The following PI4KA variants were observed in gnomAD, a reference collection of about 807,000 sequenced individuals.
PI4KA encodes the protein PI4-kinase alpha.
PI4KA carries 122 observed loss-of-function variants against 271.4 expected under a neutral mutation model. That is an observed-to-expected ratio of 0.45 (90% CI 0.39 to 0.52). The LOEUF is 0.52. Ranked by LOEUF, PI4KA falls within the 20% of genes least tolerant of loss-of-function variation. PI4KA has a pLI of 0.00. For missense variants in PI4KA, 1,969 were observed against 2,769.1 expected (o/e 0.71, Z 6.48); for synonymous variants, 1,041 against 1,078.8 (o/e 0.96, Z 0.69).
In PI4KA at chr22:20,708,089, G is replaced by A; in HGVS notation, c.6267C>T (p.Thr2089=). 1 of 1,613,566 alleles carries A rather than the reference G, an allele frequency of 6.2e-7. No individual in the cohort carries two copies. Among genetic ancestry groups the A allele is most frequent in the Non-Finnish European group, 8.5e-7 (1 of 1,179,548 alleles). Residue 2089 remains threonine (T), a synonymous_variant, in exon 55 of 55, where the codon ACC becomes ACT. Coordinates refer to ENST00000255882, the MANE Select transcript of PI4KA (RefSeq NM_058004.4). ...QSCFLSNRSR[T]YDMIQYYQND... The stretch of plus-strand genomic sequence containing the variant: ...TCTGATAGTACTGGATCATGTCGTA[G>A]GTCCGGCTCCTGAAAGGCCAAGGAA...
chr22:20,726,327 C>T, intron 42 of PI4KA, 161 bp downstream of exon 42: 5 of 547,106 alleles, frequency 9.1e-6, no homozygotes, highest in Non-Finnish European at 1.6e-5. Context: ...TATCAAGGGA[C>T]AATCACAGGG....
At chr22:20,825,069 C>CAAAAAAAAAAAAA (rs362248) in intron 3 of PI4KA, among the ~76,000 whole-genome samples, 10 of 76,796 alleles carry the variant, frequency 1.3e-4, no homozygotes, top group Admixed American at 5.8e-4. Flanking sequence ...GACGCCATCT[C>CAAAAAAAAAAAAA]AAAAAAAAAA....
At chr22:20,858,242 CA>C (rs1257515905) in intron 1 of PI4KA, among the ~76,000 whole-genome samples, 1 of 152,240 alleles carries the variant, frequency 6.6e-6, no homozygotes, top group African/African-American at 2.4e-5. Context: ...CTGCTCCGCA[CA>C]GCCGCCCACG....
At chr22:20,828,835 G>A (rs165859) in intron 3 of PI4KA, among the ~76,000 whole-genome samples, 74,082 of 152,022 alleles carry the variant, frequency 0.49, 18,563 homozygotes, top group African/African-American at 0.59. Flanking sequence ...TTACAGGCGT[G>A]AGCCACCACG....
chr22:20,812,607 T>C (rs178049), intron 8 of PI4KA, among the ~76,000 whole-genome samples: 3 of 151,898 alleles, frequency 2.0e-5, no homozygotes, highest in African/African-American at 7.3e-5. Context: ...CAGGCTGGAG[T>C]GCAGTGCTGC....
intron 3 of PI4KA, among the ~76,000 whole-genome samples, chr22:20,825,870 C>G (rs1923345017): frequency 6.6e-6 from 1 of 152,162 alleles, no homozygotes; most frequent in Admixed American, 6.6e-5. Context: ...TTTTCCCATC[C>G]TCACCTTCCT....
chr22:20,855,692 C>T (rs1259629936), intron 1 of PI4KA, among the ~76,000 whole-genome samples: 2 of 152,218 alleles, frequency 1.3e-5, no homozygotes, highest in African/African-American at 2.4e-5. Flanking sequence ...ATATTCAATA[C>T]ATGTGTGCAG....
intron 1 of PI4KA, among the ~76,000 whole-genome samples, chr22:20,852,623 T>C (rs1221470144): frequency 6.6e-6 from 1 of 152,158 alleles, no homozygotes; most frequent in Non-Finnish European, 1.5e-5. Context: ...TGGCACCGCG[T>C]ATACCCTCCG....
chr22:20,751,311 G>T lies in PI4KA; in HGVS notation c.3135C>A (p.Asp1045Glu), dbSNP rs1930662338. 1 of 1,613,996 alleles carries T rather than the reference G, an allele frequency of 6.2e-7. No individual in the cohort carries two copies. The highest frequency in any genetic ancestry group is 8.5e-7 in the Non-Finnish European group (1 of 1,179,878). ...GGCCTACCTCACGGGCTTCGTACGTGTCAGGAACCGTGATCCGGTAGGGGG... is the reference window on the plus strand; with the variant it reads ...GGCCTACCTCACGGGCTTCGTACGTTTCAGGAACCGTGATCCGGTAGGGGG... Reference protein sequence around the residue: ...PDAPYRITVPDTYEARESIVK... With the variant: ...PDAPYRITVPETYEARESIVK... The change falls in exon 27 of 55, where the codon GAC becomes GAA. Residue 1045 changes from aspartate (D) to glutamate (E), a missense_variant. By Grantham distance (45) the Asp-to-Glu change is conservative. Coordinates refer to ENST00000255882, the MANE Select transcript of PI4KA (RefSeq NM_058004.4).
At chr22:20,756,770 ACAGT>A in intron 23 of PI4KA, among the ~76,000 whole-genome samples, 1 of 152,110 alleles carries the variant, frequency 6.6e-6, no homozygotes, top group Non-Finnish European at 1.5e-5. Context: ...AGCTGGGATT[ACAGT>A]CACCTGCCAT....
At chr22:20,755,519 G>A (rs956890135) in intron 23 of PI4KA, among the ~76,000 whole-genome samples, 18 of 152,312 alleles carry the variant, frequency 1.2e-4, no homozygotes, top group African/African-American at 4.3e-4. Context: ...CAACAGAATG[G>A]GCTGGGCACA....
In PI4KA at chr22:20,793,892, G is replaced by T. The variant is rs141712057; in HGVS notation, c.2278-649C>A. On this transcript the variant is annotated intron_variant, in intron 18 of 54. Coordinates refer to ENST00000255882, the MANE Select transcript of PI4KA (RefSeq NM_058004.4). ...AATTCTGGAAGCACTGGCCTAAGCC[G>T]ACTTGATTTATGCTCTTAATCTATA... 5.4e-4 allele frequency among the ~76,000 whole-genome samples: 83 copies of T among 152,334 alleles called. 1 individual carries two copies. In the East Asian group the frequency reaches 0.014, roughly 27 times the overall value.
chr22:20,804,507 C>T, intron 11 of PI4KA, 107 bp from the exon 12 acceptor site: 1 of 784,312 alleles, frequency 1.3e-6, no homozygotes, highest in Non-Finnish European at 2.2e-6. Flanking sequence ...CAGAGACATA[C>T]TTTAGGCAGG....
At chr22:20,786,300 C>A (rs749918730) in intron 19 of PI4KA, 24 of 879,912 alleles carry the variant, frequency 2.7e-5, no homozygotes, top group Non-Finnish European at 4.2e-5. Context: ...ACACAGAATG[C>A]CTAGTTTCAT....
At chr22:20,714,750 G>A (rs779532236) in intron 45 of PI4KA, 50 bp from the exon 46 acceptor site, 3 of 1,584,378 alleles carry the variant, frequency 1.9e-6, no homozygotes, top group Non-Finnish European at 2.6e-6. Context: ...CACCACAGGT[G>A]AGCCAGAGTC....
At chr22:20,843,331 A>G (rs764033776) in intron 1 of PI4KA, among the ~76,000 whole-genome samples, 5 of 152,058 alleles carry the variant, frequency 3.3e-5, no homozygotes, top group Non-Finnish European at 5.9e-5. Flanking sequence ...CTCTACAAAA[A>G]ATTTAATAAT....
At chr22:20,839,044 CCAT>C (rs1925233931) in intron 1 of PI4KA, among the ~76,000 whole-genome samples, 1 of 152,152 alleles carries the variant, frequency 6.6e-6, no homozygotes, top group Non-Finnish European at 1.5e-5. Context: ...TGGTGAAACC[CCAT>C]CTCTACTAAA....
intron 23 of PI4KA, among the ~76,000 whole-genome samples, chr22:20,755,004 G>A (rs567068507): frequency 2.2e-4 from 34 of 152,182 alleles, no homozygotes; most frequent in African/African-American, 8.2e-4. Context: ...GCCTAGGCTG[G>A]TCTTGAACTC....
Position 20,799,690 on chromosome 22 carries a change from T to C in PI4KA, c.1801A>G (p.Ile601Val). The change falls in exon 15 of 55, where the codon ATC becomes GTC. Residue 601 changes from isoleucine (I) to valine (V), a missense_variant. Ile to Val is a conservative substitution (Grantham distance 29). Coordinates refer to ENST00000255882, the MANE Select transcript of PI4KA (RefSeq NM_058004.4). ...FLASLSNRLY[I>V]SQESDKDAHL... ...GCGTACTTGTCGCTCTCCTGAGAGA[T>C]GTAGAGCCGGTTGGACAGGCTGGCC... 1.3e-6 allele frequency: 2 copies of C among 1,551,986 alleles called. No homozygotes were observed. Among genetic ancestry groups the C allele is most frequent in the Non-Finnish European group, 1.7e-6 (2 of 1,146,838 alleles).
Sources: allele counts gnomAD v4.1 joint callset (sites outside exome capture counted in the v4.1 genomes callset), GRCh38; gene constraint gnomAD v4.1.1; transcripts MANE v1.5; gene names NCBI Gene and HGNC (gene_info 2026-07-23, HGNC 2026-07-21).